The following ASB3 variants were observed in gnomAD, a reference collection of about 807,000 sequenced individuals.
ASB3 encodes the protein ankyrin repeat and SOCS box containing 3.
In ASB3, 41 loss-of-function variants were observed where a neutral mutation model predicts 54.5. The ratio of observed to expected loss-of-function variants is 0.75; its 90% CI spans 0.59 to 0.98. The LOEUF is 0.98. Ranked by LOEUF, ASB3 falls within the 50% of genes least tolerant of loss-of-function variation. ASB3 has a pLI of 0.00. For synonymous variants in ASB3, 266 were observed against 221.2 expected, an observed-to-expected ratio of 1.20 and a Z score of -1.80; for missense variants, 733 against 620.0, an observed-to-expected ratio of 1.18 and a Z score of -1.94.
At chr2:53,677,180 C>T (rs1274756162) in intron 9 of ASB3, among the ~76,000 whole-genome samples, 2 of 152,184 alleles carry the variant, frequency 1.3e-5, no homozygotes, top group Non-Finnish European at 2.9e-5. Flanking sequence ...AGTTTGTGGC[C>T]TAGGAGCAAT....
In ASB3 at chr2:53,711,174, T is replaced by A. The variant is rs548835202; in HGVS notation, c.980+3210A>T. Among the ~76,000 whole-genome samples, 132 of 152,240 alleles carry A rather than the reference T, an allele frequency of 8.7e-4. 1 individual carries two copies. Among genetic ancestry groups the A allele is most frequent in the African/African-American group, 3.1e-3 (127 of 41,556 alleles). On this transcript the variant is annotated intron_variant, in intron 7 of 9. Transcript: ENST00000263634. The stretch of plus-strand genomic sequence containing the variant: ...AAACAATTTGGGTCTATCTTGTGCA[T>A]TTAAAGCTTGGGGTAAGTCAGGAAT...
intron 2 of ASB3, among the ~76,000 whole-genome samples, chr2:53,758,989 G>A (rs1056926798): frequency 6.6e-6 from 1 of 152,138 alleles, no homozygotes; most frequent in African/African-American, 2.4e-5. Context: ...GTTTTACAAG[G>A]GTTAGAACAA....
intron 9 of ASB3, among the ~76,000 whole-genome samples, chr2:53,679,544 G>A (rs539594326): frequency 5.7e-4 from 86 of 152,042 alleles, no homozygotes; most frequent in Middle Eastern, 3.4e-3. Context: ...TGGCCTACAC[G>A]AAATTTCATT....
At chr2:53,768,054 C>CCCCCTGA in intron 1 of ASB3, 1 of 1,607,494 alleles carries the variant, frequency 6.2e-7, no homozygotes, top group East Asian at 2.2e-5. Context: ...ACACTTACTG[C>CCCCCTGA]CCCCTGACCC....
intron 9 of ASB3, among the ~76,000 whole-genome samples, chr2:53,683,413 G>C (rs1668479589): frequency 6.8e-6 from 1 of 147,048 alleles, no homozygotes; most frequent in Non-Finnish European, 1.5e-5. Context: ...CTGGCCTGTA[G>C]TGTTTTTTTT....
chr2:53,682,630 C>G (rs1668435282), intron 9 of ASB3, among the ~76,000 whole-genome samples: 1 of 152,044 alleles, frequency 6.6e-6, no homozygotes, highest in South Asian at 2.1e-4. Context: ...GTGCCTACCA[C>G]CACGCCCGGC....
intron 5 of ASB3, among the ~76,000 whole-genome samples, chr2:53,722,734 T>C (rs1670778500): frequency 6.6e-6 from 1 of 152,062 alleles, no homozygotes; most frequent in African/African-American, 2.4e-5. Context: ...GCCAACATCA[T>C]ACTGAACAGG....
intron 3 of ASB3, among the ~76,000 whole-genome samples, chr2:53,749,119 T>G (rs578176642): frequency 2.0e-5 from 3 of 152,028 alleles, no homozygotes; most frequent in African/African-American, 7.2e-5. Context: ...CTTCCATAAG[T>G]CTGAAATTAT....
At chr2:53,782,358 A>AAC (rs967623296) in intron 1 of ASB3, among the ~76,000 whole-genome samples, 13 of 152,134 alleles carry the variant, frequency 8.5e-5, no homozygotes, top group African/African-American at 2.7e-4. Flanking sequence ...TGCAGTCCAG[A>AAC]ACACACACAC....
chr2:53,672,301 C>A (rs185726222), intron 9 of ASB3, among the ~76,000 whole-genome samples: 1 of 152,184 alleles, frequency 6.6e-6, no homozygotes, highest in Non-Finnish European at 1.5e-5. Context: ...GTATATAGCA[C>A]GCACATTTAT....
intron 4 of ASB3, 125 bp from the exon 5 acceptor site, chr2:53,728,972 A>C (rs1671155738): frequency 9.0e-7 from 1 of 1,114,922 alleles, no homozygotes; most frequent in Non-Finnish European, 1.2e-6. Context: ...GGAAAAAACA[A>C]AACAGTATAC....
At chr2:53,720,099 A>G (rs1670614225) in intron 5 of ASB3, among the ~76,000 whole-genome samples, 2 of 151,632 alleles carry the variant, frequency 1.3e-5, no homozygotes, top group African/African-American at 2.4e-5. Context: ...GGATAAGTGC[A>G]TATCTGAGTG....
At chr2:53,681,218 C>A (rs1668352431) in intron 9 of ASB3, among the ~76,000 whole-genome samples, 1 of 152,172 alleles carries the variant, frequency 6.6e-6, no homozygotes, top group South Asian at 2.1e-4. Flanking sequence ...GATTTCCTCT[C>A]TTTTGGGTAT....
At chr2:53,692,924 C>A (rs1412402177) in intron 9 of ASB3, among the ~76,000 whole-genome samples, 2 of 152,124 alleles carry the variant, frequency 1.3e-5, no homozygotes, top group Non-Finnish European at 2.9e-5. Context: ...AATTCTTTTT[C>A]TTTAACAGAA....
chr2:53,743,039 G>C (rs967608198), intron 3 of ASB3, among the ~76,000 whole-genome samples: 1 of 151,996 alleles, frequency 6.6e-6, no homozygotes, highest in African/African-American at 2.4e-5. Context: ...TTCAACTCTA[G>C]AACAGAATGG....
intron 3 of ASB3, among the ~76,000 whole-genome samples, chr2:53,747,468 C>T (rs1672288702): frequency 1.3e-5 from 2 of 152,142 alleles, no homozygotes; most frequent in Non-Finnish European, 2.9e-5. Flanking sequence ...AACACTTGAA[C>T]CCGGGAGGCA....
intron 9 of ASB3, among the ~76,000 whole-genome samples, chr2:53,691,442 C>CA (rs1205567840): frequency 3.3e-5 from 5 of 151,068 alleles, no homozygotes; most frequent in Admixed American, 6.6e-5. Flanking sequence ...AGTATCTTTT[C>CA]AAAAAAAAAT....
At chr2:53,675,133 G>C (rs1201947747) in intron 9 of ASB3, among the ~76,000 whole-genome samples, 1 of 152,106 alleles carries the variant, frequency 6.6e-6, no homozygotes, top group Non-Finnish European at 1.5e-5. Flanking sequence ...TGCATCAAAA[G>C]GCTGTTGATG....
intron 3 of ASB3, among the ~76,000 whole-genome samples, chr2:53,748,678 A>C (rs1291196579): frequency 6.6e-6 from 1 of 152,104 alleles, no homozygotes; most frequent in African/African-American, 2.4e-5. Flanking sequence ...AGGATATTAT[A>C]CAAAATCAAT....
Sources: gnomAD v4.1 joint callset for allele counts (sites outside exome capture counted in the v4.1 genomes callset) on GRCh38, gnomAD v4.1.1 for gene constraint, MANE v1.5 for transcripts, NCBI Gene and HGNC (gene_info 2026-07-23, HGNC 2026-07-21) for gene names.